MCTP1: variants seen among roughly 807,000 people sequenced by gnomAD.
The protein encoded by MCTP1 is multiple C2 and transmembrane domain-containing protein 1.
Under a neutral mutation model 120.6 loss-of-function variants are expected in MCTP1, and 69 were observed. The observed-to-expected ratio is 0.57, with a 90% CI of 0.47 to 0.70. The LOEUF is 0.70. MCTP1 is among the 30% of genes least tolerant of loss of function. MCTP1 has a pLI of 0.00. For missense variants in MCTP1, 1,203 were observed against 1,248.8 expected (o/e 0.96, Z 0.55); for synonymous variants, 529 against 493.1 (o/e 1.07, Z -0.96).
At chr5:95,050,590 T>G (rs1265250411) in intron 1 of MCTP1, among the ~76,000 whole-genome samples, 2 of 152,218 alleles carry the variant, frequency 1.3e-5, no homozygotes, top group Non-Finnish European at 2.9e-5. Flanking sequence ...GTATCATAGC[T>G]TCTCATTACT....
At chr5:94,882,376 G>A (rs1273112232) in intron 12 of MCTP1, among the ~76,000 whole-genome samples, 1 of 151,596 alleles carries the variant, frequency 6.6e-6, no homozygotes, top group Non-Finnish European at 1.5e-5. Context: ...AGTCATTCAC[G>A]AGTCCAACTA....
chr5:94,755,023 A>G (rs1024331756), intron 19 of MCTP1, among the ~76,000 whole-genome samples: 2 of 152,124 alleles, frequency 1.3e-5, no homozygotes, highest in African/African-American at 4.8e-5. Context: ...ATGCAGCCCC[A>G]GGGAGGCCTT....
At chr5:94,978,482 A>G (rs927621024) in intron 2 of MCTP1, among the ~76,000 whole-genome samples, 1 of 152,102 alleles carries the variant, frequency 6.6e-6, no homozygotes, top group Non-Finnish European at 1.5e-5. Context: ...ATGCATAAAA[A>G]GAAGATGTGG....
chr5:94,742,881 A>T (rs1765846640), intron 19 of MCTP1, among the ~76,000 whole-genome samples: 1 of 152,150 alleles, frequency 6.6e-6, no homozygotes, highest in African/African-American at 2.4e-5. Flanking sequence ...AAAACCTATT[A>T]TCTGCTAGGC....
rs74867244 is a variant in MCTP1 at position 95,000,704 on chromosome 5, A to T, written c.838+16663T>A. Among the ~76,000 whole-genome samples the T allele has an allele frequency of 1.3e-3, 199 of 152,356 alleles. 1 individual carries two copies. Among genetic ancestry groups the T allele is most frequent in the African/African-American group, 4.0e-3 (166 of 41,596 alleles). On this transcript the variant is annotated intron_variant, in intron 2 of 22. Coordinates refer to ENST00000515393, the MANE Select transcript of MCTP1 (RefSeq NM_024717.7). The stretch of plus-strand genomic sequence containing the variant: ...CAAGACTCAAAAAATTCTAAAAATT[A>T]AATATTTTATAAGTTAAAAAAGATT...
At chr5:95,224,507 T>A (rs915322068) in intron 1 of MCTP1, among the ~76,000 whole-genome samples, 1 of 3,914 alleles carries the variant, frequency 2.6e-4, no homozygotes, top group African/African-American at 1.4e-3. Flanking sequence ...ACAGACTGTC[T>A]TTTTTTTTTT....
chr5:95,003,202 T>A (rs1021165065), intron 2 of MCTP1, among the ~76,000 whole-genome samples: 1 of 152,224 alleles, frequency 6.6e-6, no homozygotes, highest in African/African-American at 2.4e-5. Flanking sequence ...GGGTATTTCT[T>A]ATAGCAACAT....
intron 2 of MCTP1, among the ~76,000 whole-genome samples, chr5:94,962,813 C>T (rs1255526867): frequency 1.3e-5 from 2 of 152,034 alleles, no homozygotes; most frequent in Non-Finnish European, 2.9e-5. Context: ...CAAATCATCA[C>T]TTAATAACTT....
At chr5:94,862,549 A>T (rs1195046416) in intron 17 of MCTP1, among the ~76,000 whole-genome samples, 2 of 151,944 alleles carry the variant, frequency 1.3e-5, no homozygotes, top group South Asian at 2.1e-4. Context: ...TCCTCAGGAA[A>T]GATTACAGAA....
chr5:95,220,910 C>T (rs190756618), intron 1 of MCTP1, among the ~76,000 whole-genome samples: 1 of 152,310 alleles, frequency 6.6e-6, no homozygotes, highest in Admixed American at 6.5e-5. Context: ...CAGTAAATAG[C>T]AAGCTGATGG....
intron 17 of MCTP1, among the ~76,000 whole-genome samples, chr5:94,858,293 A>G (rs546302792): frequency 3.3e-5 from 5 of 151,694 alleles, no homozygotes; most frequent in Non-Finnish European, 7.4e-5. Flanking sequence ...ACTCTTCAAG[A>G]GTTCGTGATT....
In MCTP1 at chr5:94,735,986, T is replaced by TCA. The variant is rs1213755803; in HGVS notation, c.2611-21102_2611-21101dup. Among the ~76,000 whole-genome samples, 19 of 152,316 alleles carry TCA rather than the reference T, an allele frequency of 1.2e-4. No homozygotes were observed. In the East Asian group the frequency reaches 1.4e-3, roughly 11 times the overall value. The stretch of plus-strand genomic sequence containing the variant: ...CCTTGGGTTTGGACAGACCTTGGTT[T>TCA]CAACCCACTACCCCTGGTTTTGGAC... On this transcript the variant is annotated intron_variant, in intron 19 of 22. Transcript: ENST00000515393.
At chr5:94,779,056 T>C in intron 19 of MCTP1, 54 bp downstream of exon 19, 2 of 1,468,508 alleles carry the variant, frequency 1.4e-6, no homozygotes, top group Non-Finnish European at 1.9e-6. Flanking sequence ...GAAAACAGTG[T>C]CATGTCTACA....
At position 94,883,602 on chromosome 5, in the gene MCTP1, C is replaced by T. The variant is rs182587479; in HGVS notation, c.1933+5277G>A. On this transcript the variant is annotated intron_variant, in intron 12 of 22. Coordinates refer to ENST00000515393, the MANE Select transcript of MCTP1 (RefSeq NM_024717.7). ...TTATACAGTTCTTTGAATGAAATTA[C>T]GTAGAACTTAAAGGATTTATATTTT... is the stretch of plus-strand genomic sequence containing the variant. Among the ~76,000 whole-genome samples, 241 of 152,178 alleles carry T rather than the reference C, an allele frequency of 1.6e-3. 1 individual carries two copies. The highest frequency in any genetic ancestry group is 5.4e-3 in the African/African-American group (225 of 41,522).
intron 1 of MCTP1, chr5:95,154,139 C>T (rs896909665): frequency 6.6e-6 from 1 of 152,156 alleles, no homozygotes; most frequent in Admixed American, 6.5e-5. Context: ...TGTTGTTTGG[C>T]TGTATTGATG....
intron 2 of MCTP1, among the ~76,000 whole-genome samples, chr5:94,994,049 T>C (rs1832128329): frequency 6.6e-6 from 1 of 152,174 alleles, no homozygotes; most frequent in Non-Finnish European, 1.5e-5. Flanking sequence ...GATTCTGTCC[T>C]CCTAAGAGCA....
chr5:95,089,630 C>T (rs1243359280), intron 1 of MCTP1, among the ~76,000 whole-genome samples: 1 of 152,024 alleles, frequency 6.6e-6, no homozygotes, highest in Non-Finnish European at 1.5e-5. Flanking sequence ...CCAGTGTAGA[C>T]CCTTCCAGCC....
intron 1 of MCTP1, among the ~76,000 whole-genome samples, chr5:95,130,279 T>A (rs1582316078): frequency 6.6e-6 from 1 of 152,158 alleles, no homozygotes; most frequent in African/African-American, 2.4e-5. Flanking sequence ...AAAACGTGTC[T>A]CCTATCTCCT....
intron 1 of MCTP1, among the ~76,000 whole-genome samples, chr5:95,103,003 T>C (rs929093243): frequency 1.8e-4 from 27 of 152,198 alleles, no homozygotes; most frequent in African/African-American, 6.3e-4. Flanking sequence ...ATGGGAATAG[T>C]ACTCAACTCA....
Sources: gnomAD v4.1 joint callset for allele counts (sites outside exome capture counted in the v4.1 genomes callset) on GRCh38, gnomAD v4.1.1 for gene constraint, MANE v1.5 for transcripts, NCBI Gene and HGNC (gene_info 2026-07-23, HGNC 2026-07-21) for gene names.